GRIK2: variants seen among roughly 807,000 people sequenced by gnomAD.
The protein encoded by GRIK2 is glutamate receptor ionotropic, kainate 2.
GRIK2 carries 32 observed loss-of-function variants against 100.3 expected under a neutral mutation model. The ratio of observed to expected loss-of-function variants is 0.32; its 90% CI spans 0.24 to 0.43. The LOEUF (loss-of-function observed/expected upper bound fraction) is 0.43, where lower values mean the gene tolerates loss of function less well. Ranked by LOEUF, GRIK2 falls within the 20% of genes least tolerant of loss-of-function variation. The probability of loss-of-function intolerance (pLI) is 1.00; values close to 1 mark genes in which losing one functional copy is unlikely to be tolerated. For missense variants in GRIK2, 843 were observed against 1,114.9 expected (o/e 0.76, Z 3.47); for synonymous variants, 417 against 389.4 (o/e 1.07, Z -0.83).
intron 16 of GRIK2, among the ~76,000 whole-genome samples, chr6:102,061,139 C>A (rs778358346): frequency 1.3e-5 from 2 of 150,508 alleles, no homozygotes; most frequent in Non-Finnish European, 3.0e-5. Context: ...TACTGATCTA[C>A]TTCCAAATCA....
chr6:101,921,503 A>T (rs1486967728), intron 12 of GRIK2, among the ~76,000 whole-genome samples: 1 of 152,074 alleles, frequency 6.6e-6, no homozygotes, highest in Non-Finnish European at 1.5e-5. Flanking sequence ...GAAGATGAGG[A>T]CAGATACTGA....
intron 2 of GRIK2, among the ~76,000 whole-genome samples, chr6:101,584,984 C>A (rs1778285252): frequency 6.6e-6 from 1 of 151,814 alleles, no homozygotes; most frequent in Non-Finnish European, 1.5e-5. Flanking sequence ...GTTAGTAAAC[C>A]AGCATTTCTC....
intron 7 of GRIK2, among the ~76,000 whole-genome samples, chr6:101,741,746 C>A (rs2128378086): frequency 6.6e-6 from 1 of 152,198 alleles, no homozygotes; most frequent in Non-Finnish European, 1.5e-5. Context: ...ATTTCTTTTT[C>A]ATTTTCTGTA....
chr6:101,412,443 A>T (rs1394510157), intron 2 of GRIK2, among the ~76,000 whole-genome samples: 2 of 152,002 alleles, frequency 1.3e-5, no homozygotes, highest in Non-Finnish European at 2.9e-5. Context: ...TGACAGTATG[A>T]TTTAAAAGTA....
intron 14 of GRIK2, among the ~76,000 whole-genome samples, chr6:101,967,894 A>G (rs565018850): frequency 6.6e-6 from 1 of 152,132 alleles, no homozygotes; most frequent in South Asian, 2.1e-4. Context: ...ATCTAGAAAT[A>G]AAAATCAAAA....
chr6:101,425,775 C>G (rs1401957164), intron 2 of GRIK2, among the ~76,000 whole-genome samples: 2 of 152,124 alleles, frequency 1.3e-5, no homozygotes, highest in African/African-American at 4.8e-5. Context: ...CAACTCTGCT[C>G]TCTGCATGCC....
At chr6:102,064,014 C>A (rs1412147876) in intron 16 of GRIK2, 1 of 1,534,050 alleles carries the variant, frequency 6.5e-7, no homozygotes, top group Non-Finnish European at 9.0e-7. Context: ...GTTTAGTAAT[C>A]TTTTGAAACT....
intron 15 of GRIK2, among the ~76,000 whole-genome samples, chr6:102,038,454 G>T (rs1036596037): frequency 1.4e-5 from 2 of 147,282 alleles, no homozygotes; most frequent in South Asian, 2.2e-4. Flanking sequence ...GGTTTCCATT[G>T]TCTGGATAAG....
chr6:101,625,550 C>A (rs1268845934), intron 3 of GRIK2, among the ~76,000 whole-genome samples: 3 of 151,782 alleles, frequency 2.0e-5, no homozygotes, highest in Non-Finnish European at 4.4e-5. Context: ...TTTGTGTTCC[C>A]AATAATTACT....
intron 4 of GRIK2, among the ~76,000 whole-genome samples, chr6:101,632,312 A>G (rs1483156645): frequency 1.3e-5 from 2 of 152,084 alleles, no homozygotes; most frequent in African/African-American, 2.4e-5. Context: ...TACTGGATCA[A>G]CCACACATCT....
intron 14 of GRIK2, among the ~76,000 whole-genome samples, chr6:101,978,877 C>G (rs1483307859): frequency 2.0e-5 from 3 of 151,900 alleles, no homozygotes; most frequent in Non-Finnish European, 4.4e-5. Flanking sequence ...TAAATCTCCC[C>G]TCTCCCCCAG....
chr6:101,517,827 A>G (rs1051165877), intron 2 of GRIK2, among the ~76,000 whole-genome samples: 1 of 152,156 alleles, frequency 6.6e-6, no homozygotes, highest in African/African-American at 2.4e-5. Flanking sequence ...ATATTTGGCT[A>G]TGTAATAAAG....
chr6:101,952,221 C>T (rs1562507364), intron 14 of GRIK2, among the ~76,000 whole-genome samples: 1 of 152,194 alleles, frequency 6.6e-6, no homozygotes, highest in Non-Finnish European at 1.5e-5. Context: ...GCTTAATTCT[C>T]TGGAGGTTCA....
chr6:101,854,255 A>T (rs1188869929), intron 10 of GRIK2, among the ~76,000 whole-genome samples: 1 of 151,956 alleles, frequency 6.6e-6, no homozygotes, highest in Admixed American at 6.6e-5. Context: ...AGAAAAATTA[A>T]GTCTATTAAT....
intron 12 of GRIK2, among the ~76,000 whole-genome samples, chr6:101,890,882 T>C (rs1422995882): frequency 6.6e-6 from 1 of 151,506 alleles, no homozygotes; most frequent in African/African-American, 2.4e-5. Flanking sequence ...AATTTTTACG[T>C]TTTTTTAAAT....
intron 2 of GRIK2, among the ~76,000 whole-genome samples, chr6:101,406,003 A>G (rs1371975267): frequency 6.6e-6 from 1 of 152,198 alleles, no homozygotes; most frequent in African/African-American, 2.4e-5. Context: ...CTTCTCGCCC[A>G]TTCACATTTC....
chr6:101,558,437 G>A (rs1776848413), intron 2 of GRIK2, among the ~76,000 whole-genome samples: 1 of 152,038 alleles, frequency 6.6e-6, no homozygotes, highest in Non-Finnish European at 1.5e-5. Context: ...CAGAGGAAGT[G>A]GTATTTGAAA....
intron 7 of GRIK2, among the ~76,000 whole-genome samples, chr6:101,759,287 A>G (rs1777332478): frequency 6.6e-6 from 1 of 152,228 alleles, no homozygotes; most frequent in South Asian, 2.1e-4. Context: ...TTACATTAGT[A>G]AAATTTTCTC....
intron 7 of GRIK2, among the ~76,000 whole-genome samples, chr6:101,789,391 A>C (rs955477379): frequency 1.3e-5 from 2 of 152,166 alleles, no homozygotes; most frequent in African/African-American, 4.8e-5. Context: ...TATAAGGTGT[A>C]AGGAAGGGAT....
Sources: gnomAD v4.1 joint callset for allele counts (sites outside exome capture counted in the v4.1 genomes callset) on GRCh38, gnomAD v4.1.1 for gene constraint, MANE v1.5 for transcripts, NCBI Gene and HGNC (gene_info 2026-07-23, HGNC 2026-07-21) for gene names.